SCOC: variants seen among roughly 807,000 people sequenced by gnomAD.
SCOC encodes the protein short coiled-coil protein.
Under a neutral mutation model 9.9 loss-of-function variants are expected in SCOC, and 7 were observed. The observed-to-expected ratio is 0.71, with a 90% CI of 0.40 to 1.33. The LOEUF is 1.33. Among genes scored for constraint, SCOC ranks in the 40% most tolerant of loss-of-function variants. The pLI is 0.01. For missense variants in SCOC, 66 were observed against 89.7 expected (o/e 0.74, Z 1.07); for synonymous variants, 19 against 28.2 (o/e 0.67, Z 1.03).
intron 1 of SCOC, 143 bp downstream of exon 1, chr4:140,373,860 G>T: frequency 1.1e-6 from 1 of 911,706 alleles, no homozygotes. Flanking sequence ...TCGGGCCTGG[G>T]CATTTGGTGG....
intron 2 of SCOC, among the ~76,000 whole-genome samples, chr4:140,358,347 T>G (rs976720469): frequency 2.0e-5 from 3 of 152,220 alleles, no homozygotes; most frequent in African/African-American, 7.2e-5. Context: ...AGCTAACATT[T>G]CCCTTGTTTA....
chr4:140,345,723 A>G (rs544909469), intron 2 of SCOC, among the ~76,000 whole-genome samples: 1 of 152,304 alleles, frequency 6.6e-6, no homozygotes, highest in East Asian at 1.9e-4. Context: ...ATGCATACAT[A>G]TGTGTACACA....
rs138431370 is a variant in SCOC, at chr4:140,376,162, T to A, written c.-51+2445T>A. 3.3e-5 allele frequency among the ~76,000 whole-genome samples: 5 copies of A among 152,326 alleles called. No homozygotes were observed. The East Asian group carries it at 9.6e-4, about 29-fold the overall frequency. On this transcript the variant is annotated intron_variant, in intron 1 of 3. Transcript: ENST00000608372. Reference sequence around the variant, plus strand: ...TGTGTTAATGTAGACTTTGGGCAGTTTGGGGATCAATACTATTTTAAAAGA... The same window carrying A: ...TGTGTTAATGTAGACTTTGGGCAGTATGGGGATCAATACTATTTTAAAAGA...
intron 1 of SCOC, among the ~76,000 whole-genome samples, chr4:140,294,737 G>A (rs560671197): frequency 1.3e-5 from 2 of 152,226 alleles, no homozygotes; most frequent in Admixed American, 6.5e-5. Context: ...AAACCGTGCC[G>A]CCCAATCCAC....
At chr4:140,292,245 G>A (rs780752117) in intron 1 of SCOC, among the ~76,000 whole-genome samples, 5 of 149,932 alleles carry the variant, frequency 3.3e-5, no homozygotes, top group Non-Finnish European at 4.4e-5. Flanking sequence ...CTGGAGTGCA[G>A]TAGCATGATC....
At chr4:140,302,144 T>C (rs1309941003) in intron 1 of SCOC, among the ~76,000 whole-genome samples, 1 of 152,226 alleles carries the variant, frequency 6.6e-6, no homozygotes, top group African/African-American at 2.4e-5. Flanking sequence ...AGGATTTATA[T>C]TTCTAAAAAG....
intron 1 of SCOC, among the ~76,000 whole-genome samples, chr4:140,302,859 T>C (rs528466218): frequency 6.6e-6 from 1 of 152,346 alleles, no homozygotes; most frequent in African/African-American, 2.4e-5. Flanking sequence ...CTTATTTGAC[T>C]GTGCAATCAC....
chr4:140,385,625 T>C lies in SCOC; in HGVS notation c.*4521T>C, dbSNP rs914941033. ...TAAGAGAAATATGGTAGTTGAATTATAAAATCTAAAATTAATTTTGTGGTC... is the reference window on the plus strand; with the variant it reads ...TAAGAGAAATATGGTAGTTGAATTACAAAATCTAAAATTAATTTTGTGGTC... On this transcript the variant is annotated 3_prime_UTR_variant, in exon 4 of 4. Transcript: ENST00000608372. 51 of 152,224 alleles carry C rather than the reference T, an allele frequency of 3.4e-4. No individual in the cohort carries two copies. Among genetic ancestry groups the C allele is most frequent in the African/African-American group, 1.2e-3 (51 of 41,458 alleles). The allele number at this position is 152,224 out of a possible 1,614,324, so 9.4% of individuals were successfully genotyped here.
intron 1 of SCOC, among the ~76,000 whole-genome samples, chr4:140,324,889 GA>G (rs547328171): frequency 1.6e-4 from 24 of 146,100 alleles, no homozygotes; most frequent in Middle Eastern, 3.4e-3. Context: ...TGCTGAAAAA[GA>G]AAAAAAAAAG....
chr4:140,282,463 C>G (rs1731122578), intron 1 of SCOC, among the ~76,000 whole-genome samples: 3 of 152,116 alleles, frequency 2.0e-5, no homozygotes, highest in African/African-American at 7.2e-5. Context: ...AATTTGCCTC[C>G]CCTGTCCCAC....
chr4:140,305,975 T>C (rs750953051), intron 1 of SCOC, among the ~76,000 whole-genome samples: 81 of 152,216 alleles, frequency 5.3e-4, no homozygotes, highest in Non-Finnish European at 8.2e-4. Context: ...CCTTCTACTA[T>C]AGGGTCTTGG....
intron 1 of SCOC, among the ~76,000 whole-genome samples, chr4:140,320,812 G>C (rs144827622): frequency 6.6e-6 from 1 of 152,146 alleles, no homozygotes; most frequent in Non-Finnish European, 1.5e-5. Flanking sequence ...AGGAGAATAC[G>C]AGGGAAAAGA....
intron 2 of SCOC, among the ~76,000 whole-genome samples, chr4:140,364,761 T>C (rs1727717568): frequency 6.6e-6 from 1 of 152,218 alleles, no homozygotes; most frequent in South Asian, 2.1e-4. Context: ...ACCTTGCCCA[T>C]AGGGACTACC....
intron 1 of SCOC, among the ~76,000 whole-genome samples, chr4:140,263,177 G>A (rs1456047003): frequency 6.6e-6 from 1 of 152,184 alleles, no homozygotes; most frequent in East Asian, 1.9e-4. Context: ...ATCCTTGGAG[G>A]GAAGTCTAGT....
At chr4:140,319,333 C>T (rs186842849) in intron 1 of SCOC, among the ~76,000 whole-genome samples, 23 of 152,170 alleles carry the variant, frequency 1.5e-4, no homozygotes, top group African/African-American at 4.8e-4. Flanking sequence ...TCAGGTGATC[C>T]GCCAACCTTG....
intron 1 of SCOC, chr4:140,376,485 G>A (rs926577088): frequency 7.0e-6 from 1 of 143,380 alleles, no homozygotes; most frequent in African/African-American, 2.7e-5. Flanking sequence ...TGCAACACTT[G>A]GGATGCAATC....
chr4:140,272,023 A>G (rs935237706), intron 1 of SCOC, among the ~76,000 whole-genome samples: 3 of 146,442 alleles, frequency 2.0e-5, no homozygotes, highest in Non-Finnish European at 4.5e-5. Context: ...CAAGCCTCCC[A>G]CTTCTGTGGC....
At chr4:140,287,685 TAC>T (rs1168307895) in intron 1 of SCOC, among the ~76,000 whole-genome samples, 2 of 151,808 alleles carry the variant, frequency 1.3e-5, no homozygotes, top group African/African-American at 4.8e-5. Flanking sequence ...TATGTACACA[TAC>T]ACACACCAAA....
At chr4:140,366,876 C>T in intron 2 of SCOC, 1 of 729,296 alleles carries the variant, frequency 1.4e-6, no homozygotes, top group Non-Finnish European at 2.5e-6. Context: ...TGGCGTTTGG[C>T]AAGAAGGAAG....
Sources: gnomAD v4.1 joint callset for allele counts (sites outside exome capture counted in the v4.1 genomes callset) on GRCh38, gnomAD v4.1.1 for gene constraint, MANE v1.5 for transcripts, NCBI Gene and HGNC (gene_info 2026-07-23, HGNC 2026-07-21) for gene names.